Variants in SPAG16 observed in about 807,000 individuals in gnomAD.
SPAG16 encodes the protein sperm associated antigen 16.
SPAG16 carries 86 observed loss-of-function variants against 80.4 expected under a neutral mutation model. That is an observed-to-expected ratio of 1.07 (90% CI 0.90 to 1.28). The LOEUF is 1.28. SPAG16 is among the 50% of genes most tolerant of loss of function. The probability of loss-of-function intolerance (pLI) is 0.00; values close to 1 mark genes in which losing one functional copy is unlikely to be tolerated. For synonymous variants in SPAG16, 294 were observed against 265.9 expected, an observed-to-expected ratio of 1.11 and a Z score of -1.03; for missense variants, 870 against 765.3, an observed-to-expected ratio of 1.14 and a Z score of -1.61.
chr2:213,896,615 CAT>C (rs60328736), intron 11 of SPAG16, among the ~76,000 whole-genome samples: 4 of 142,132 alleles, frequency 2.8e-5, no homozygotes, highest in South Asian at 2.3e-4. Context: ...CACACACACA[CAT>C]AGATATGTAC....
chr2:213,857,926 T>G (rs947574426), intron 10 of SPAG16, among the ~76,000 whole-genome samples: 2 of 152,168 alleles, frequency 1.3e-5, no homozygotes, highest in African/African-American at 4.8e-5. Flanking sequence ...AAGACTTCCC[T>G]GGAGGAAGTC....
At chr2:213,773,119 C>T (rs2069357158) in intron 10 of SPAG16, among the ~76,000 whole-genome samples, 1 of 150,346 alleles carries the variant, frequency 6.7e-6, no homozygotes, top group South Asian at 2.1e-4. Context: ...TTGGTTTATC[C>T]CTTTTAGAGT....
chr2:213,903,561 C>T (rs776335310), intron 11 of SPAG16, among the ~76,000 whole-genome samples: 16 of 152,100 alleles, frequency 1.1e-4, no homozygotes, highest in South Asian at 4.1e-4. Context: ...CCCTGGTCCA[C>T]GAAACCATTT....
chr2:213,594,124 A>G (rs1014943684), intron 10 of SPAG16, among the ~76,000 whole-genome samples: 2 of 151,980 alleles, frequency 1.3e-5, no homozygotes, highest in African/African-American at 4.8e-5. Context: ...TGAGTCACAC[A>G]TATTTTTCAA....
At chr2:213,390,995 C>A (rs866587488) in intron 9 of SPAG16, among the ~76,000 whole-genome samples, 1 of 152,090 alleles carries the variant, frequency 6.6e-6, no homozygotes, top group Non-Finnish European at 1.5e-5. Context: ...TATGGCCAGG[C>A]GCGGTGACTC....
At chr2:213,363,188 A>G (rs2066085257) in intron 7 of SPAG16, among the ~76,000 whole-genome samples, 1 of 152,270 alleles carries the variant, frequency 6.6e-6, no homozygotes, top group Middle Eastern at 3.4e-3. Flanking sequence ...TAATGGGGGA[A>G]AAAGGGTATG....
intron 13 of SPAG16, among the ~76,000 whole-genome samples, chr2:214,058,909 G>C (rs1368147031): frequency 1.3e-5 from 2 of 152,060 alleles, no homozygotes; most frequent in Non-Finnish European, 2.9e-5. Flanking sequence ...AACTGCTACA[G>C]TGGTGCTGAA....
intron 10 of SPAG16, among the ~76,000 whole-genome samples, chr2:213,718,348 T>C (rs1361155173): frequency 6.6e-6 from 1 of 151,974 alleles, no homozygotes; most frequent in Non-Finnish European, 1.5e-5. Context: ...GAGCCCTCGC[T>C]TGCTCTCGGC....
intron 15 of SPAG16, among the ~76,000 whole-genome samples, chr2:214,305,410 C>T (rs1165636994): frequency 6.6e-6 from 1 of 152,116 alleles, no homozygotes; most frequent in Non-Finnish European, 1.5e-5. Context: ...CATTTTGTTG[C>T]AATTGCTTTT....
At chr2:214,211,616 T>C (rs2058295851) in intron 15 of SPAG16, among the ~76,000 whole-genome samples, 1 of 152,122 alleles carries the variant, frequency 6.6e-6, no homozygotes, top group Admixed American at 6.6e-5. Context: ...CTTCTTGTGG[T>C]AGCAAATCCC....
intron 13 of SPAG16, among the ~76,000 whole-genome samples, chr2:214,034,333 A>G (rs2048573798): frequency 6.6e-6 from 1 of 152,240 alleles, no homozygotes; most frequent in Non-Finnish European, 1.5e-5. Flanking sequence ...TATTATTTTC[A>G]CACTGTGTTA....
chr2:214,342,770 G>A (rs538724640), intron 15 of SPAG16, among the ~76,000 whole-genome samples: 15 of 152,190 alleles, frequency 9.9e-5, no homozygotes, highest in Admixed American at 2.6e-4. Context: ...CTGTTCTAGA[G>A]GTTACAAAAT....
chr2:213,382,669 G>A (rs1472776691), intron 9 of SPAG16, among the ~76,000 whole-genome samples: 1 of 152,148 alleles, frequency 6.6e-6, no homozygotes, highest in Non-Finnish European at 1.5e-5. Flanking sequence ...TTATTTAGAA[G>A]CATTATCTTA....
chr2:213,526,437 A>T (rs2075888969), intron 10 of SPAG16, among the ~76,000 whole-genome samples: 1 of 152,150 alleles, frequency 6.6e-6, no homozygotes, highest in South Asian at 2.1e-4. Context: ...GATGTGTAAA[A>T]CTTATTTTAA....
At chr2:213,494,823 C>G (rs1400708443) in intron 10 of SPAG16, among the ~76,000 whole-genome samples, 1 of 152,188 alleles carries the variant, frequency 6.6e-6, no homozygotes, top group Non-Finnish European at 1.5e-5. Context: ...GCCCTATCTC[C>G]TCAATGACAC....
At chr2:214,279,586 T>C (rs755293299) in intron 15 of SPAG16, among the ~76,000 whole-genome samples, 12 of 152,014 alleles carry the variant, frequency 7.9e-5, no homozygotes, top group Non-Finnish European at 1.6e-4. Flanking sequence ...AGAATAGAGC[T>C]CTGGAGAGGA....
At chr2:214,147,348 C>T (rs1446280186) in intron 14 of SPAG16, among the ~76,000 whole-genome samples, 1 of 152,022 alleles carries the variant, frequency 6.6e-6, no homozygotes, top group Non-Finnish European at 1.5e-5. Flanking sequence ...AGTATACTTC[C>T]TCAAATTTTA....
intron 12 of SPAG16, among the ~76,000 whole-genome samples, chr2:213,958,213 A>C (rs1559629816): frequency 6.6e-6 from 1 of 152,166 alleles, no homozygotes; most frequent in African/African-American, 2.4e-5. Context: ...TGATGGGTTT[A>C]GAGCAAGCAG....
At chr2:214,211,765 T>C (rs1266538089) in intron 15 of SPAG16, among the ~76,000 whole-genome samples, 1 of 152,186 alleles carries the variant, frequency 6.6e-6, no homozygotes, top group Non-Finnish European at 1.5e-5. Context: ...GCCAGCAAAT[T>C]GTCAAGTAAG....
Sources: allele counts gnomAD v4.1 joint callset (sites outside exome capture counted in the v4.1 genomes callset), GRCh38; gene constraint gnomAD v4.1.1; transcripts MANE v1.5; gene names NCBI Gene and HGNC (gene_info 2026-07-23, HGNC 2026-07-21).